ANHX: variants seen among roughly 807,000 people sequenced by gnomAD.
The protein encoded by ANHX is anomalous homeobox.
Under a neutral mutation model 38.9 loss-of-function variants are expected in ANHX, and 20 were observed. The observed-to-expected ratio is 0.51, with a 90% CI of 0.36 to 0.75. ANHX has a LOEUF of 0.75. ANHX is among the 30% of genes least tolerant of loss of function. ANHX has a pLI of 0.00. For synonymous variants in ANHX, 185 were observed against 203.1 expected, an observed-to-expected ratio of 0.91 and a Z score of 0.76; for missense variants, 475 against 493.1, an observed-to-expected ratio of 0.96 and a Z score of 0.35.
Position 133,234,484 on chromosome 12 carries a change from C to T in ANHX, c.-22-106G>A, listed in dbSNP as rs556510344. On this transcript the variant is annotated intron_variant, in intron 1 of 9. Transcript: ENST00000545940. ...AGCAGGTGATGCACGGCTCTTGTGC[C>T]GTGGACACTTGTAGAGTAGGAATAA... is the stretch of plus-strand genomic sequence containing the variant. The T allele has an allele frequency of 9.7e-5, 127 of 1,305,198 alleles. No individual in the cohort carries two copies. The South Asian group carries it at 1.1e-3, about 11-fold the overall frequency. The allele number at this position is 1,305,198 out of a possible 1,614,324, so 80.9% of individuals were successfully genotyped here. A position where few individuals can be genotyped will look rare whatever the true frequency, so the allele number is the denominator to read the frequency against.
At chr12:133,219,506 G>C (rs1957079636) in intron 8 of ANHX, 139 bp from the exon 9 acceptor site, 1 of 632,214 alleles carries the variant, frequency 1.6e-6, no homozygotes, top group Admixed American at 3.1e-5. Flanking sequence ...CTTCCTGCAG[G>C]GCTGTCACGT....
chr12:133,224,962 C>CG, intron 7 of ANHX, among the ~76,000 whole-genome samples: 1 of 87,320 alleles, frequency 1.1e-5, no homozygotes, highest in African/African-American at 5.8e-5. Context: ...GACTCCGTCT[C>CG]AAAAAAAAAA....
intron 9 of ANHX, 150 bp from the exon 10 acceptor site, chr12:133,219,121 G>A (rs1010804164): frequency 2.0e-6 from 2 of 1,013,074 alleles, no homozygotes; most frequent in Non-Finnish European, 2.9e-6. Flanking sequence ...CCTCACCCCA[G>A]CTCCCAGTCC....
intron 7 of ANHX, among the ~76,000 whole-genome samples, chr12:133,224,226 G>C (rs1957152532): frequency 6.6e-6 from 1 of 152,074 alleles, no homozygotes; most frequent in South Asian, 2.1e-4. Flanking sequence ...TGAGTTTTCA[G>C]ATGGGATGCT....
intron 8 of ANHX, among the ~76,000 whole-genome samples, chr12:133,220,121 T>C (rs149127013): frequency 0.016 from 2,445 of 152,230 alleles, 57 homozygotes; most frequent in African/African-American, 0.055. Flanking sequence ...GGAGGGTACA[T>C]TGAAGACCTT....
Position 133,221,157 on chromosome 12 carries a change from G to GT in ANHX, c.1280+47dup. ...TATAAACTGGGCATTACCCTATCTT[G>GT]TGGCCTGTGGAAAGGACTGTCCAGG... On this transcript the variant is annotated intron_variant, in intron 8 of 9. Transcript: ENST00000545940. This position sits in a 1 kb window ranked among gnomAD's most constrained non-coding sequence, Gnocchi z 4.1. 1 of 1,529,958 alleles carries GT rather than the reference G, an allele frequency of 6.5e-7. No individual in the cohort carries two copies. Among genetic ancestry groups the GT allele is most frequent in the Non-Finnish European group, 8.7e-7 (1 of 1,143,068 alleles). 94.8% of individuals were successfully genotyped at this position (1,529,958 alleles called of 1,614,324 possible).
rs1437183024 is a variant in ANHX, at chr12:133,221,685, T to C, written c.1133-333A>G. 5.3e-5 allele frequency among the ~76,000 whole-genome samples: 8 copies of C among 152,296 alleles called. No individual in the cohort carries two copies. In the South Asian group the frequency reaches 1.0e-3, roughly 20 times the overall value. ...TCCGTCCTGCTGGTGCGGAAGGATG[T>C]GCCAGGAGCCCTCAGTCTCCTCTTG... On this transcript the variant is annotated intron_variant, in intron 7 of 9. Transcript: ENST00000545940. The surrounding 1 kb of genome is among the most constrained non-coding windows in gnomAD (Gnocchi z 4.1).
intron 8 of ANHX, among the ~76,000 whole-genome samples, chr12:133,220,965 C>G (rs903428626): frequency 1.3e-5 from 2 of 152,168 alleles, no homozygotes; most frequent in African/African-American, 4.8e-5. Context: ...TAAGGGTGAA[C>G]CCTGATCATG....
In ANHX at chr12:133,218,737, A is replaced by G. The variant is rs1957068221; in HGVS notation, c.*148T>C. 7.8e-6 allele frequency: 4 copies of G among 515,338 alleles called. No homozygotes were observed. The highest frequency in any genetic ancestry group is 1.3e-5 in the Non-Finnish European group (4 of 304,272). The allele number at this position is 515,338 out of a possible 1,614,324, so 31.9% of individuals were successfully genotyped here. A position where few individuals can be genotyped will look rare whatever the true frequency, so the allele number is the denominator to read the frequency against. The stretch of plus-strand genomic sequence containing the variant: ...AACTATTCAAACATGGCAGTGGGAA[A>G]GAATCTCTGCTTTTCAGCAGAGCCC... On this transcript the variant is annotated 3_prime_UTR_variant, in exon 10 of 10. Transcript: ENST00000545940.
At chr12:133,225,083 T>C (rs1475310576) in intron 7 of ANHX, among the ~76,000 whole-genome samples, 1 of 152,020 alleles carries the variant, frequency 6.6e-6, no homozygotes, top group African/African-American at 2.4e-5. Context: ...GGGCAAAATA[T>C]ACATCTAAAT....
intron 3 of ANHX, among the ~76,000 whole-genome samples, chr12:133,230,828 C>T (rs1957261912): frequency 6.6e-6 from 1 of 152,068 alleles, no homozygotes; most frequent in South Asian, 2.1e-4. Flanking sequence ...AACTCTCTCT[C>T]GTGTGGAACC....
intron 2 of ANHX, among the ~76,000 whole-genome samples, chr12:133,232,153 G>C (rs973100217): frequency 9.1e-6 from 1 of 109,786 alleles, no homozygotes; most frequent in Admixed American, 1.1e-4. Context: ...CCCAGCAGCA[G>C]TGCTGGTCCC....
rs928154183 is a variant in ANHX, at chr12:133,219,062, C to A, written c.1366-91G>T. 14 of 1,209,298 alleles carry A rather than the reference C, an allele frequency of 1.2e-5. No individual in the cohort carries two copies. The African/African-American group carries it at 2.0e-4, about 17-fold the overall frequency. The allele number at this position is 1,209,298 out of a possible 1,614,324, so 74.9% of individuals were successfully genotyped here. A position where few individuals can be genotyped will look rare whatever the true frequency, so the allele number is the denominator to read the frequency against. Reference sequence around the variant, plus strand: ...TGGGCACCTCCTGACCTTGGGAAGACCCCCCGCAACCAGTCTGGACTCAGG... The same window carrying A: ...TGGGCACCTCCTGACCTTGGGAAGAACCCCCGCAACCAGTCTGGACTCAGG... On this transcript the variant is annotated intron_variant, in intron 9 of 9. Coordinates refer to ENST00000545940, the MANE Select transcript of ANHX (RefSeq NM_001372060.1).
Position 133,221,075 on chromosome 12 carries a change from C to A in ANHX, c.1280+130G>T. 1 of 1,225,052 alleles carries A rather than the reference C, an allele frequency of 8.2e-7. No homozygotes were observed. The highest frequency in any genetic ancestry group is 1.1e-6 in the Non-Finnish European group (1 of 914,294). The allele number at this position is 1,225,052 out of a possible 1,614,324, so 75.9% of individuals were successfully genotyped here. On this transcript the variant is annotated intron_variant, in intron 8 of 9. Coordinates refer to ENST00000545940, the MANE Select transcript of ANHX (RefSeq NM_001372060.1). This position sits in a 1 kb window ranked among gnomAD's most constrained non-coding sequence, Gnocchi z 4.1. The stretch of plus-strand genomic sequence containing the variant: ...AGGTGTAGGCTTGTGGGGACTGTTA[C>A]AGTTTTCAGCAATCCAAAGGAGAGG...
At chr12:133,232,609 G>A (rs1957298855) in intron 2 of ANHX, among the ~76,000 whole-genome samples, 1 of 152,158 alleles carries the variant, frequency 6.6e-6, no homozygotes, top group African/African-American at 2.4e-5. Flanking sequence ...TGATGTGGTG[G>A]TCCCTTCATG....
At chr12:133,224,137 C>A (rs1029946482) in intron 7 of ANHX, among the ~76,000 whole-genome samples, 1 of 152,094 alleles carries the variant, frequency 6.6e-6, no homozygotes, top group African/African-American at 2.4e-5. Flanking sequence ...AGCATGGGAG[C>A]ACTGGGGACA....
chr12:133,224,871 G>A (rs1349983201), intron 7 of ANHX, among the ~76,000 whole-genome samples: 2 of 150,614 alleles, frequency 1.3e-5, no homozygotes, highest in South Asian at 2.1e-4. Flanking sequence ...GGAGGCTGAG[G>A]CAGGAGAATG....
At chr12:133,235,753 CT>C (rs1446759065) in intron 1 of ANHX, 53 bp downstream of exon 1, 4 of 141,734 alleles carry the variant, frequency 2.8e-5, no homozygotes, top group South Asian at 2.2e-4. Flanking sequence ...CAGGCCCCCC[CT>C]GCCCCCGCGC....
At chr12:133,231,367 G>T in intron 3 of ANHX, 150 bp downstream of exon 3, 1 of 1,137,030 alleles carries the variant, frequency 8.8e-7, no homozygotes, top group Non-Finnish European at 1.2e-6. Flanking sequence ...ATCTTATGCT[G>T]ACTACACTGT....
Sources: allele counts gnomAD v4.1 joint callset (sites outside exome capture counted in the v4.1 genomes callset), GRCh38; gene constraint gnomAD v4.1.1; non-coding constraint Gnocchi (gnomAD v3.1); transcripts MANE v1.5; gene names NCBI Gene and HGNC (gene_info 2026-07-23, HGNC 2026-07-21).